ARB2A: variants seen among roughly 807,000 people sequenced by gnomAD.
ARB2A encodes the protein ARB2 cotranscriptional regulator A.
the ARB2A span, among the ~76,000 whole-genome samples, chr5:94,011,301 C>G: frequency 6.6e-6 from 1 of 152,114 alleles, no homozygotes; most frequent in Admixed American, 6.5e-5. Context: ...TTCCTTTATT[C>G]AAGTCATCCT....
the ARB2A span, among the ~76,000 whole-genome samples, chr5:93,709,617 G>C: frequency 7.7e-6 from 1 of 129,834 alleles, no homozygotes; most frequent in East Asian, 2.2e-4. Context: ...TGGGTGACAG[G>C]GTGAGACTCT....
chr5:93,646,341 C>T, the ARB2A span, among the ~76,000 whole-genome samples: 25 of 151,306 alleles, frequency 1.7e-4, no homozygotes, highest in South Asian at 4.0e-3. Context: ...CTGAGGTCTT[C>T]GGTGAAACCT....
the ARB2A span, chr5:93,862,346 T>C: frequency 4.3e-4 from 66 of 152,204 alleles, no homozygotes; most frequent in African/African-American, 1.6e-3. Flanking sequence ...ATCTGTGCAA[T>C]ATACTACAAT....
At chr5:94,053,363 T>C in the ARB2A span, 1 of 525,282 alleles carries the variant, frequency 1.9e-6, no homozygotes, top group Non-Finnish European at 3.3e-6. Context: ...TGCTACTAAA[T>C]TGAATTCCCA....
At chr5:93,889,856 T>G in the ARB2A span, among the ~76,000 whole-genome samples, 1 of 151,876 alleles carries the variant, frequency 6.6e-6, no homozygotes, top group African/African-American at 2.4e-5. Context: ...AAAACTTTGT[T>G]AAAATATCCA....
the ARB2A span, among the ~76,000 whole-genome samples, chr5:93,905,151 A>C: frequency 7.2e-5 from 11 of 151,750 alleles, no homozygotes; most frequent in Admixed American, 6.6e-5. Context: ...ACATTTATTT[A>C]GGAGTAAGAA....
At chr5:93,673,954 T>C in the ARB2A span, among the ~76,000 whole-genome samples, 1 of 152,162 alleles carries the variant, frequency 6.6e-6, no homozygotes, top group Non-Finnish European at 1.5e-5. Flanking sequence ...TTTTCATGAC[T>C]CTTCAGTATT....
chr5:94,035,028 C>A, the ARB2A span, among the ~76,000 whole-genome samples: 1 of 152,108 alleles, frequency 6.6e-6, no homozygotes, highest in Non-Finnish European at 1.5e-5. Context: ...CACCCCCAGT[C>A]CATGGAGAAA....
At chr5:94,087,326 G>C in the ARB2A span, among the ~76,000 whole-genome samples, 1 of 151,914 alleles carries the variant, frequency 6.6e-6, no homozygotes, top group African/African-American at 2.4e-5. Context: ...AGGATGGCTT[G>C]AGCCCAAGAG....
chr5:93,949,968 T>C, the ARB2A span, among the ~76,000 whole-genome samples: 16 of 152,340 alleles, frequency 1.1e-4, no homozygotes, highest in South Asian at 3.1e-3. Context: ...GTGAAGTCTG[T>C]CTTTCTGTGC....
At chr5:93,735,489 G>A in the ARB2A span, 12 of 152,196 alleles carry the variant, frequency 7.9e-5, no homozygotes, top group Admixed American at 4.6e-4. Context: ...AGAACTGAAG[G>A]AGCAGCTGAG....
chr5:93,855,022 T>C, the ARB2A span, among the ~76,000 whole-genome samples: 5 of 152,284 alleles, frequency 3.3e-5, no homozygotes, highest in South Asian at 8.3e-4. Flanking sequence ...TTGTTAACTT[T>C]CTGTCTTGTT....
At chr5:94,048,322 G>C in the ARB2A span, among the ~76,000 whole-genome samples, 8 of 152,092 alleles carry the variant, frequency 5.3e-5, no homozygotes, top group African/African-American at 1.9e-4. Flanking sequence ...CAAAGTGCTG[G>C]TATTACAGGC....
chr5:93,688,351 T>C, the ARB2A span, among the ~76,000 whole-genome samples: 1 of 152,220 alleles, frequency 6.6e-6, no homozygotes. Flanking sequence ...AGGCAAATTT[T>C]CTCCCAAATT....
chr5:93,973,523 T>C, the ARB2A span, among the ~76,000 whole-genome samples: 2 of 152,154 alleles, frequency 1.3e-5, no homozygotes. Flanking sequence ...GTTTCTCTAA[T>C]CTTGCTTAAA....
At chr5:94,028,734 CTTCT>C in the ARB2A span, among the ~76,000 whole-genome samples, 1 of 152,026 alleles carries the variant, frequency 6.6e-6, no homozygotes, top group South Asian at 2.1e-4. Flanking sequence ...GCCAAAAATG[CTTCT>C]TTCTATTTCT....
At chr5:93,940,841 CTA>C in the ARB2A span, among the ~76,000 whole-genome samples, 2 of 152,046 alleles carry the variant, frequency 1.3e-5, no homozygotes, top group Non-Finnish European at 2.9e-5. Flanking sequence ...CAAGTTTAGA[CTA>C]TTTCCTACTA....
At chr5:94,013,922 C>A in the ARB2A span, among the ~76,000 whole-genome samples, 1 of 152,156 alleles carries the variant, frequency 6.6e-6, no homozygotes, top group Non-Finnish European at 1.5e-5. Flanking sequence ...TACTGCCCTG[C>A]ACCTAGTACA....
At chr5:94,042,906 A>G in the ARB2A span, among the ~76,000 whole-genome samples, 2 of 152,292 alleles carry the variant, frequency 1.3e-5, no homozygotes, top group Admixed American at 1.3e-4. Context: ...GATATGCTTC[A>G]GTATATATCA....
Sources: allele counts gnomAD v4.1 joint callset (sites outside exome capture counted in the v4.1 genomes callset), GRCh38; gene constraint gnomAD v4.1.1; transcripts MANE v1.5; gene names NCBI Gene and HGNC (gene_info 2026-07-23, HGNC 2026-07-21).